The following CNTN3 variants were observed in gnomAD, a reference collection of about 807,000 sequenced individuals.
CNTN3 encodes contactin 3, also known as contactin-3.
In CNTN3, 60 loss-of-function variants were observed where a neutral mutation model predicts 119.1. That is an observed-to-expected ratio of 0.50 (90% CI 0.41 to 0.62). The LOEUF is 0.62. Ranked by LOEUF, CNTN3 falls within the 20% of genes least tolerant of loss-of-function variation. CNTN3 has a pLI of 0.00. For synonymous variants in CNTN3, 450 were observed against 438.7 expected, an observed-to-expected ratio of 1.03 and a Z score of -0.32; for missense variants, 1,101 against 1,242.4, an observed-to-expected ratio of 0.89 and a Z score of 1.71.
chr3:74,264,905 G>T (rs17012280), intron 22 of CNTN3, among the ~76,000 whole-genome samples: 2,313 of 152,194 alleles, frequency 0.015, 53 homozygotes, highest in African/African-American at 0.051. Flanking sequence ...TATACTAGTT[G>T]CCAAGAGTAT....
At chr3:74,405,810 C>A (rs1005490535) in intron 5 of CNTN3, among the ~76,000 whole-genome samples, 1 of 151,984 alleles carries the variant, frequency 6.6e-6, no homozygotes, top group African/African-American at 2.4e-5. Context: ...AGAAGACTAT[C>A]CAGTTTTCCA....
rs1191355898 is a variant in CNTN3 at position 74,521,091 on chromosome 3, A to G, written c.22T>C (p.Leu8=). The G allele has an allele frequency of 1.0e-5, 16 of 1,601,310 alleles. No homozygotes were observed. Among genetic ancestry groups the G allele is most frequent in the Non-Finnish European group, 1.3e-5 (15 of 1,172,974 alleles). The change falls in exon 2 of 23, where the codon TTG becomes CTG. Residue 8 remains leucine, a synonymous_variant. Transcript: ENST00000263665. ...CAGCCAATGAATGAAAGCAGGATCA[A>G]CTGTTTCCATGGAAACATCATCTTT... is the stretch of plus-strand genomic sequence containing the variant. MMFPWKQ[L]ILLSFIGCLG... is the part of the protein sequence containing the mutation.
rs139554523 is a variant in CNTN3 at position 74,295,013 on chromosome 3, C to T, written c.2517+108G>A. On this transcript the variant is annotated intron_variant, in intron 19 of 22. Coordinates refer to ENST00000263665, the MANE Select transcript of CNTN3 (RefSeq NM_020872.3). ...AAACAATGTGTTGATAAAAAAATTT[C>T]GGCCAAAGACAGACTTCAAATAAGA... The T allele has an allele frequency of 7.7e-4, 456 of 593,082 alleles. 4 individuals carry two copies. In the East Asian group the frequency reaches 0.011, roughly 15 times the overall value. 36.7% of individuals were successfully genotyped at this position (593,082 alleles called of 1,614,324 possible).
chr3:74,297,403 G>T (rs1001096345), intron 18 of CNTN3, among the ~76,000 whole-genome samples: 2 of 147,726 alleles, frequency 1.4e-5, no homozygotes, highest in Admixed American at 6.8e-5. Flanking sequence ...AACAAAACAC[G>T]GGTGTACAGA....
chr3:74,573,005 A>C (rs1467147078), intron 1 of CNTN3, among the ~76,000 whole-genome samples: 1 of 152,212 alleles, frequency 6.6e-6, no homozygotes, highest in East Asian at 1.9e-4. Context: ...GTGGATGTTC[A>C]TGGCCTCAGC....
At chr3:74,313,752 A>G (rs635369) in intron 13 of CNTN3, among the ~76,000 whole-genome samples, 2 of 152,054 alleles carry the variant, frequency 1.3e-5, no homozygotes, top group Non-Finnish European at 2.9e-5. Flanking sequence ...CTGGCCTTGT[A>G]TGTACATGAA....
intron 18 of CNTN3, 135 bp downstream of exon 18, chr3:74,297,822 G>T (rs1702372330): frequency 4.7e-6 from 3 of 635,344 alleles, no homozygotes; most frequent in East Asian, 2.8e-5. Context: ...GACTTGCACT[G>T]GGAATCTAAC....
At chr3:74,595,359 G>A (rs1461067489) in intron 1 of CNTN3, among the ~76,000 whole-genome samples, 13 of 151,750 alleles carry the variant, frequency 8.6e-5, no homozygotes, top group Non-Finnish European at 1.8e-4. Context: ...TAGACATGAA[G>A]TCCTTGCCCA....
Position 74,521,046 on chromosome 3 carries a change from A to ATT in CNTN3, c.55+10_55+11dup. ...CTAACCTCAACTTAGAAAATATAGG[A>ATT]TTTTTTTTTACCTCCTAAGCAGCCA... On this transcript the variant is annotated intron_variant, in intron 2 of 22. Coordinates refer to ENST00000263665, the MANE Select transcript of CNTN3 (RefSeq NM_020872.3). 6.5e-7 allele frequency: 1 copy of ATT among 1,544,002 alleles called. No homozygotes were observed. Among genetic ancestry groups the ATT allele is most frequent in the Non-Finnish European group, 8.8e-7 (1 of 1,130,742 alleles).
intron 20 of CNTN3, among the ~76,000 whole-genome samples, chr3:74,274,768 T>C (rs1230777567): frequency 6.6e-6 from 1 of 151,994 alleles, no homozygotes. Flanking sequence ...CCAAAAATCA[T>C]ACTAGCTCAC....
chr3:74,555,732 G>A (rs1575826969), intron 1 of CNTN3, among the ~76,000 whole-genome samples: 1 of 151,978 alleles, frequency 6.6e-6, no homozygotes, highest in African/African-American at 2.4e-5. Flanking sequence ...GATGGTAGTT[G>A]GTATTTCCAT....
intron 2 of CNTN3, among the ~76,000 whole-genome samples, chr3:74,506,625 A>T (rs1345189749): frequency 6.6e-6 from 1 of 151,992 alleles, no homozygotes; most frequent in African/African-American, 2.4e-5. Context: ...CTTGCTAGAC[A>T]GCTTAATAGC....
At chr3:74,548,026 A>T (rs898224687) in intron 1 of CNTN3, among the ~76,000 whole-genome samples, 2 of 152,192 alleles carry the variant, frequency 1.3e-5, no homozygotes, top group African/African-American at 4.8e-5. Context: ...CACTTGCATC[A>T]GTGCTACTTA....
chr3:74,553,001 T>C (rs1170578158), intron 1 of CNTN3, among the ~76,000 whole-genome samples: 1 of 152,162 alleles, frequency 6.6e-6, no homozygotes, highest in African/African-American at 2.4e-5. Flanking sequence ...TTTTGTTACA[T>C]AGGTATACAC....
chr3:74,369,221 T>G lies in CNTN3; in HGVS notation c.914A>C (p.Lys305Thr), dbSNP rs767431912. Residue 305 changes from lysine to threonine, a missense_variant, in exon 8 of 23, where the codon AAA becomes ACA. Coordinates refer to ENST00000263665, the MANE Select transcript of CNTN3 (RefSeq NM_020872.3). ...AGTGAGACGCCCTCTGGCAACATTT[T>G]TTCCTCGTGAATTCTCAGCAATGCA... ...YECIAENSRG[K>T]NVARGRLTYY... The G allele has an allele frequency of 1.0e-5, 16 of 1,606,484 alleles. No homozygotes were observed. Among genetic ancestry groups the G allele is most frequent in the Non-Finnish European group, 4.2e-6 (5 of 1,176,704 alleles).
intron 5 of CNTN3, among the ~76,000 whole-genome samples, chr3:74,391,857 C>A (rs1704916121): frequency 6.6e-6 from 1 of 152,120 alleles, no homozygotes; most frequent in Non-Finnish European, 1.5e-5. Flanking sequence ...GGGGTTTCAC[C>A]ATGTTGGTCA....
intron 2 of CNTN3, among the ~76,000 whole-genome samples, chr3:74,508,822 A>G (rs1439562091): frequency 2.6e-5 from 4 of 152,216 alleles, no homozygotes; most frequent in Non-Finnish European, 4.4e-5. Context: ...TCCTGCCACC[A>G]GTGCCCCAGA....
intron 1 of CNTN3, among the ~76,000 whole-genome samples, chr3:74,544,634 T>C (rs550364617): frequency 6.6e-6 from 1 of 152,234 alleles, no homozygotes; most frequent in East Asian, 1.9e-4. Flanking sequence ...AGTCTTGCTT[T>C]GTCACCCAGG....
chr3:74,342,339 T>C (rs1353990804), intron 11 of CNTN3, among the ~76,000 whole-genome samples: 3 of 152,192 alleles, frequency 2.0e-5, no homozygotes, highest in Non-Finnish European at 4.4e-5. Flanking sequence ...AGCGTTTTTA[T>C]TCTTCTACCT....
Sources: allele counts gnomAD v4.1 joint callset (sites outside exome capture counted in the v4.1 genomes callset), GRCh38; gene constraint gnomAD v4.1.1; transcripts MANE v1.5; gene names NCBI Gene and HGNC (gene_info 2026-07-23, HGNC 2026-07-21).